The following DMD variants were observed in gnomAD, a reference collection of about 807,000 sequenced individuals.
The protein encoded by DMD is dystrophin.
DMD carries 63 observed loss-of-function variants against 330.1 expected under a neutral mutation model. The ratio of observed to expected loss-of-function variants is 0.19; its 90% confidence interval spans 0.16 to 0.24. The LOEUF (loss-of-function observed/expected upper bound fraction) is 0.24. Among genes scored for constraint, DMD ranks in the 10% least tolerant of loss-of-function variants. DMD has a pLI of 1.00. For synonymous variants in DMD, 1,223 were observed against 959.8 expected, an observed-to-expected ratio of 1.27 and a Z score of -5.07; for missense variants, 3,344 against 2,684.1, an observed-to-expected ratio of 1.25 and a Z score of -5.43.
intron 44 of DMD, among the ~76,000 whole-genome samples, chrX:32,110,027 T>C (rs2096582368): frequency 1.8e-5 from 2 of 111,986 alleles, no homozygotes; most frequent in African/African-American, 6.5e-5. Flanking sequence ...CTATGACTTT[T>C]ATAATAGTAC....
chrX:32,959,048 A>C (rs769660495), intron 2 of DMD, among the ~76,000 whole-genome samples: 1 of 112,128 alleles, frequency 8.9e-6, no homozygotes, highest in South Asian at 3.7e-4. Context: ...AGTTATTACA[A>C]ATATGTTCAT....
At chrX:32,342,382 T>G in intron 40 of DMD, 100 bp from the exon 41 acceptor site, 1 of 905,808 alleles carries the variant, frequency 1.1e-6, no homozygotes, top group Non-Finnish European at 1.6e-6. Flanking sequence ...AAGGCTGTTG[T>G]CCCTTTATTG....
intron 11 of DMD, among the ~76,000 whole-genome samples, chrX:32,635,179 C>A (rs768926640): frequency 9.0e-6 from 1 of 111,630 alleles, no homozygotes; most frequent in East Asian, 2.8e-4. Context: ...TCTGCAAGCA[C>A]ATAGACTCTC....
chrX:32,627,217 T>C, intron 11 of DMD, among the ~76,000 whole-genome samples: 1 of 82,470 alleles, frequency 1.2e-5, no homozygotes. Context: ...AAGTGGCAAA[T>C]ACCTGGAAAG....
At chrX:31,426,091 T>G (rs2063700425) in intron 60 of DMD, among the ~76,000 whole-genome samples, 1 of 111,869 alleles carries the variant, frequency 8.9e-6, no homozygotes, top group Non-Finnish European at 1.9e-5. Flanking sequence ...TTCTGATGCA[T>G]ACTAAAGTTT....
intron 2 of DMD, among the ~76,000 whole-genome samples, chrX:32,896,970 G>T (rs1008560082): frequency 4.5e-5 from 5 of 112,095 alleles, no homozygotes; most frequent in Admixed American, 3.8e-4. Flanking sequence ...TCTTTTGAGG[G>T]TTTTCACATT....
chrX:31,463,267 C>T (rs899214879), intron 59 of DMD, among the ~76,000 whole-genome samples: 3 of 111,530 alleles, frequency 2.7e-5, no homozygotes, highest in African/African-American at 9.8e-5. Context: ...TAAACTATAA[C>T]TAAAAATATT....
chrX:31,465,748 A>G (rs907262018), intron 59 of DMD, among the ~76,000 whole-genome samples: 1 of 111,633 alleles, frequency 9.0e-6, no homozygotes, highest in African/African-American at 3.3e-5. Flanking sequence ...ATCAAATGGT[A>G]CTTCTGGTTC....
intron 52 of DMD, among the ~76,000 whole-genome samples, chrX:31,720,503 C>T (rs904435750): frequency 9.0e-6 from 1 of 111,608 alleles, no homozygotes; most frequent in African/African-American, 3.3e-5. Flanking sequence ...AGCCTATAAA[C>T]ATGTAGAGTA....
chrX:32,843,318 G>C (rs774436455), intron 4 of DMD, among the ~76,000 whole-genome samples: 3 of 111,874 alleles, frequency 2.7e-5, no homozygotes, highest in Non-Finnish European at 5.6e-5. Flanking sequence ...CTTTAATATT[G>C]TTAACAATTC....
intron 7 of DMD, among the ~76,000 whole-genome samples, chrX:32,761,776 C>T (rs543023057): frequency 6.1e-5 from 6 of 97,864 alleles, no homozygotes; most frequent in African/African-American, 2.3e-4. Flanking sequence ...GTAGATCAAA[C>T]AAAACATATC....
chrX:32,593,814 A>T (rs1374665475), intron 13 of DMD, among the ~76,000 whole-genome samples: 2 of 112,518 alleles, frequency 1.8e-5, no homozygotes, highest in African/African-American at 3.2e-5. Context: ...AATATTTCTC[A>T]ATCAAATAAG....
chrX:32,242,725 A>C (rs775282630), intron 43 of DMD, among the ~76,000 whole-genome samples: 1 of 111,022 alleles, frequency 9.0e-6, no homozygotes, highest in African/African-American at 3.3e-5. Context: ...ATAATACTTC[A>C]TTTCTTGAGG....
At chrX:31,804,956 C>T (rs1353155910) in intron 50 of DMD, among the ~76,000 whole-genome samples, 3 of 109,823 alleles carry the variant, frequency 2.7e-5, no homozygotes, top group Non-Finnish European at 5.7e-5. Flanking sequence ...GTATTTGTCA[C>T]GTACAGTTAT....
At chrX:33,168,114 T>C (rs1158623227) in intron 1 of DMD, among the ~76,000 whole-genome samples, 4 of 109,950 alleles carry the variant, frequency 3.6e-5, no homozygotes, top group Admixed American at 9.8e-5. Context: ...TGTGCATGTG[T>C]GTGTGTGTTT....
intron 62 of DMD, among the ~76,000 whole-genome samples, chrX:31,292,833 G>A (rs745387011): frequency 1.3e-4 from 15 of 111,582 alleles, no homozygotes; most frequent in African/African-American, 4.6e-4. Flanking sequence ...ACAATGTTGA[G>A]TCCTAGATAC....
intron 44 of DMD, among the ~76,000 whole-genome samples, chrX:32,139,230 A>G (rs1335433313): frequency 8.9e-6 from 1 of 112,271 alleles, no homozygotes; most frequent in African/African-American, 3.2e-5. Flanking sequence ...TCACATCATC[A>G]TAATAAAACA....
intron 7 of DMD, among the ~76,000 whole-genome samples, chrX:32,757,787 T>A (rs2071693461): frequency 8.9e-6 from 1 of 111,882 alleles, no homozygotes; most frequent in Non-Finnish European, 1.9e-5. Context: ...ATTAGCAGCA[T>A]GAGAACAGAC....
At chrX:32,338,208 A>G (rs980265370) in intron 41 of DMD, among the ~76,000 whole-genome samples, 13 of 111,631 alleles carry the variant, frequency 1.2e-4, no homozygotes, top group African/African-American at 4.2e-4. Context: ...GTAACCCTTA[A>G]TGATACCTTT....
Sources: gnomAD v4.1 joint callset for allele counts (sites outside exome capture counted in the v4.1 genomes callset) on GRCh38, gnomAD v4.1.1 for gene constraint, MANE v1.5 for transcripts, NCBI Gene and HGNC (gene_info 2026-07-23, HGNC 2026-07-21) for gene names.